ROBO2: variants seen among roughly 807,000 people sequenced by gnomAD.
ROBO2 encodes the protein roundabout guidance receptor 2.
In ROBO2, 53 loss-of-function variants were observed where a neutral mutation model predicts 160.8. The observed-to-expected ratio is 0.33, with a 90% CI of 0.26 to 0.41. The LOEUF is 0.41. Among genes scored for constraint, ROBO2 ranks in the 10% least tolerant of loss-of-function variants. The probability of loss-of-function intolerance (pLI) is 1.00; values close to 1 mark genes in which losing one functional copy is unlikely to be tolerated. For synonymous variants in ROBO2, 664 were observed against 611.7 expected, an observed-to-expected ratio of 1.09 and a Z score of -1.26; for missense variants, 1,577 against 1,722.4, an observed-to-expected ratio of 0.92 and a Z score of 1.49.
chr3:77,164,893 G>C (rs1211060183), intron 2 of ROBO2, among the ~76,000 whole-genome samples: 1 of 103,012 alleles, frequency 9.7e-6, no homozygotes, highest in African/African-American at 3.2e-5. Flanking sequence ...AGGTGGGGGG[G>C]TCAGCCCCCC....
chr3:77,118,104 G>C (rs994557695), intron 2 of ROBO2, among the ~76,000 whole-genome samples: 1 of 152,106 alleles, frequency 6.6e-6, no homozygotes, highest in African/African-American at 2.4e-5. Flanking sequence ...GTTATTGTGG[G>C]CCATTATTTA....
chr3:76,792,877 A>T (rs2108751724), intron 2 of ROBO2, among the ~76,000 whole-genome samples: 1 of 151,938 alleles, frequency 6.6e-6, no homozygotes, highest in Admixed American at 6.6e-5. Context: ...TGGCACTCTC[A>T]TATGTCATAA....
At chr3:77,008,663 G>A (rs1031949044) in intron 2 of ROBO2, among the ~76,000 whole-genome samples, 1 of 152,118 alleles carries the variant, frequency 6.6e-6, no homozygotes, top group Non-Finnish European at 1.5e-5. Flanking sequence ...AACACACAGG[G>A]TAGCTGAAAA....
At chr3:77,098,778 C>T (rs376444514) in intron 2 of ROBO2, among the ~76,000 whole-genome samples, 26 of 152,190 alleles carry the variant, frequency 1.7e-4, no homozygotes, top group Middle Eastern at 3.4e-3. Flanking sequence ...ATGGTGTGAA[C>T]CCGGGAGGCG....
At chr3:77,358,370 A>T (rs557491356) in intron 2 of ROBO2, among the ~76,000 whole-genome samples, 11 of 152,168 alleles carry the variant, frequency 7.2e-5, no homozygotes, top group East Asian at 3.9e-4. Flanking sequence ...CTTAGATTAG[A>T]TTGAGTGCAC....
At chr3:76,901,552 G>C (rs2075231595) in intron 2 of ROBO2, among the ~76,000 whole-genome samples, 1 of 47,068 alleles carries the variant, frequency 2.1e-5, no homozygotes, top group Non-Finnish European at 3.9e-5. Context: ...TGGGCAACAA[G>C]AGCAAAATTT....
intron 2 of ROBO2, among the ~76,000 whole-genome samples, chr3:76,074,065 T>C (rs1264648499): frequency 1.3e-5 from 2 of 152,098 alleles, no homozygotes; most frequent in African/African-American, 4.8e-5. Context: ...GAAGGTCATT[T>C]CTCACTCTTC....
chr3:75,928,317 G>C (rs139791182), intron 1 of ROBO2, among the ~76,000 whole-genome samples: 1 of 152,276 alleles, frequency 6.6e-6, no homozygotes, highest in Non-Finnish European at 1.5e-5. Flanking sequence ...GGGCAAACCA[G>C]CATTTCAAAA....
chr3:76,969,350 T>A (rs1439788909), intron 2 of ROBO2, among the ~76,000 whole-genome samples: 1 of 152,152 alleles, frequency 6.6e-6, no homozygotes, highest in African/African-American at 2.4e-5. Context: ...AATCAGAAAT[T>A]GAACTGGACT....
At chr3:75,975,105 C>T (rs191263891) in intron 2 of ROBO2, among the ~76,000 whole-genome samples, 97 of 151,406 alleles carry the variant, frequency 6.4e-4, no homozygotes, top group East Asian at 6.1e-3. Context: ...ATACATACTT[C>T]GGGATTAGAA....
chr3:76,245,532 A>C (rs1705565878), intron 2 of ROBO2, among the ~76,000 whole-genome samples: 1 of 152,212 alleles, frequency 6.6e-6, no homozygotes, highest in South Asian at 2.1e-4. Context: ...TCATTCAAAA[A>C]TAATTTTTAA....
chr3:76,002,436 A>G (rs1386471077), intron 2 of ROBO2, among the ~76,000 whole-genome samples: 2 of 151,992 alleles, frequency 1.3e-5, no homozygotes, highest in African/African-American at 4.8e-5. Context: ...CGTAACTCCC[A>G]TGTGTTGTGG....
intron 2 of ROBO2, among the ~76,000 whole-genome samples, chr3:76,709,666 G>A (rs947314164): frequency 1.2e-4 from 18 of 152,186 alleles, no homozygotes; most frequent in Non-Finnish European, 2.5e-4. Context: ...AAGCAGGAAA[G>A]TGAGTTCAGC....
rs1232577743 is a variant in ROBO2 at position 75,981,160 on chromosome 3, T to A, written c.109+43558T>A. 2.0e-5 allele frequency among the ~76,000 whole-genome samples: 3 copies of A among 151,612 alleles called. No individual in the cohort carries two copies. The East Asian group carries it at 5.8e-4, about 30-fold the overall frequency. On this transcript the variant is annotated intron_variant, in intron 2 of 26. Coordinates refer to the ROBO2 transcript ENST00000487694. ...CAAGATTAATGAAGACAAGGGCCCA[T>A]GTGTTTTTTCAGCAATATTTTAGAG...
intron 2 of ROBO2, among the ~76,000 whole-genome samples, chr3:77,316,486 G>A (rs2064001754): frequency 6.6e-6 from 1 of 152,020 alleles, no homozygotes; most frequent in Non-Finnish European, 1.5e-5. Flanking sequence ...CCACTTGAAG[G>A]CATTTCTAGA....
intron 2 of ROBO2, among the ~76,000 whole-genome samples, chr3:77,123,976 T>TATAG (rs2150295087): frequency 1.3e-5 from 2 of 150,598 alleles, no homozygotes; most frequent in East Asian, 3.9e-4. Context: ...AATCTATCTA[T>TATAG]ATAGATATAT....
At chr3:77,435,605 A>G (rs2079195689) in intron 2 of ROBO2, among the ~76,000 whole-genome samples, 1 of 151,892 alleles carries the variant, frequency 6.6e-6, no homozygotes, top group Non-Finnish European at 1.5e-5. Context: ...TTTGTAATGC[A>G]TCAGTTTAGC....
intron 2 of ROBO2, among the ~76,000 whole-genome samples, chr3:77,209,840 A>C (rs947151203): frequency 1.3e-5 from 2 of 152,136 alleles, no homozygotes; most frequent in African/African-American, 4.8e-5. Flanking sequence ...CAGATTCTTC[A>C]CTCAGAAATA....
At chr3:77,212,709 G>T (rs575631758) in intron 2 of ROBO2, among the ~76,000 whole-genome samples, 2 of 152,230 alleles carry the variant, frequency 1.3e-5, no homozygotes, top group East Asian at 3.9e-4. Context: ...TTGGCTGTGG[G>T]TTTGTCATAA....
Sources: allele counts gnomAD v4.1 joint callset (sites outside exome capture counted in the v4.1 genomes callset), GRCh38; gene constraint gnomAD v4.1.1; transcripts MANE v1.5; gene names NCBI Gene and HGNC (gene_info 2026-07-23, HGNC 2026-07-21).